ZBTB20: variants seen among roughly 807,000 people sequenced by gnomAD.
ZBTB20 encodes the protein zinc finger and BTB domain containing 20.
ZBTB20 carries 9 observed loss-of-function variants against 56.9 expected under a neutral mutation model. That is an observed-to-expected ratio of 0.16 (90% CI 0.10 to 0.28). The LOEUF (loss-of-function observed/expected upper bound fraction) is 0.28, where lower values mean the gene tolerates loss of function less well. Ranked by LOEUF, ZBTB20 falls within the 10% of genes least tolerant of loss-of-function variation. The pLI is 1.00. For missense variants in ZBTB20, 655 were observed against 1,003.0 expected (o/e 0.65, Z 4.69); for synonymous variants, 417 against 420.7 (o/e 0.99, Z 0.11).
intron 7 of ZBTB20, among the ~76,000 whole-genome samples, chr3:114,490,246 G>A (rs1559862716): frequency 6.6e-6 from 1 of 151,832 alleles, no homozygotes; most frequent in Non-Finnish European, 1.5e-5. Context: ...TTTTGAGATG[G>A]AGTCTCACAC....
intron 6 of ZBTB20, among the ~76,000 whole-genome samples, chr3:114,654,935 C>A (rs964650325): frequency 2.0e-5 from 3 of 152,100 alleles, no homozygotes; most frequent in African/African-American, 7.2e-5. Context: ...AAAGTCTATT[C>A]TTTGTAATAT....
At chr3:114,395,147 T>G (rs1215905357) in intron 7 of ZBTB20, among the ~76,000 whole-genome samples, 1 of 152,094 alleles carries the variant, frequency 6.6e-6, no homozygotes, top group Non-Finnish European at 1.5e-5. Context: ...TTGCCCCAAA[T>G]GTAGTGGTGA....
At position 114,326,096 on chromosome 3, in the gene ZBTB20, G is replaced by C. The variant is rs1576183232; in HGVS notation, c.*12909C>G. On this transcript the variant is annotated 3_prime_UTR_variant, in exon 12 of 12. Transcript: ENST00000675478. ...AACACATACAGTCTTGAAATGGCTAGAAAAGCAACAACTACAATGATAAAA... is the reference window on the plus strand; with the variant it reads ...AACACATACAGTCTTGAAATGGCTACAAAAGCAACAACTACAATGATAAAA... 1 of 152,112 alleles carries C rather than the reference G, an allele frequency of 6.6e-6. No homozygotes were observed. Among genetic ancestry groups the C allele is most frequent in the Non-Finnish European group, 1.5e-5 (1 of 68,016 alleles). The allele number at this position is 152,112 out of a possible 1,614,324, so 9.4% of individuals were successfully genotyped here. A position where few individuals can be genotyped will look rare whatever the true frequency, so the allele number is the denominator to read the frequency against.
At chr3:114,708,913 A>G (rs1419792777) in intron 5 of ZBTB20, among the ~76,000 whole-genome samples, 1 of 152,032 alleles carries the variant, frequency 6.6e-6, no homozygotes, top group Non-Finnish European at 1.5e-5. Flanking sequence ...TCATAGTAAA[A>G]TATTACTTAA....
chr3:114,527,397 G>T (rs2047354409), intron 6 of ZBTB20: 1 of 152,168 alleles, frequency 6.6e-6, no homozygotes, highest in African/African-American at 2.4e-5. Context: ...GGCTGAAGGG[G>T]GCAGGAAGCC....
At chr3:115,087,580 C>A (rs932910531) in intron 1 of ZBTB20, among the ~76,000 whole-genome samples, 1 of 151,770 alleles carries the variant, frequency 6.6e-6, no homozygotes, top group Non-Finnish European at 1.5e-5. Flanking sequence ...TCTTTATCAG[C>A]AAAAAAGCTG....
intron 10 of ZBTB20, among the ~76,000 whole-genome samples, chr3:114,373,466 T>G (rs1042241230): frequency 6.6e-6 from 1 of 152,226 alleles, no homozygotes. Context: ...TTCTGAAAAC[T>G]CTGCGCTCTG....
intron 4 of ZBTB20, among the ~76,000 whole-genome samples, chr3:114,893,999 A>C (rs2074752597): frequency 6.6e-6 from 1 of 152,252 alleles, no homozygotes; most frequent in Non-Finnish European, 1.5e-5. Flanking sequence ...TTTTTGATAG[A>C]TAAAATGTCC....
intron 7 of ZBTB20, among the ~76,000 whole-genome samples, chr3:114,466,467 C>G (rs2092558497): frequency 6.6e-6 from 1 of 152,082 alleles, no homozygotes; most frequent in Non-Finnish European, 1.5e-5. Flanking sequence ...TTGGCCTATT[C>G]TTTTTTAAGA....
chr3:114,362,140 A>G (rs1009547663), intron 10 of ZBTB20, among the ~76,000 whole-genome samples: 1 of 152,060 alleles, frequency 6.6e-6, no homozygotes, highest in African/African-American at 2.4e-5. Context: ...AAAATACGGG[A>G]ATTTTTTTGT....
intron 2 of ZBTB20, among the ~76,000 whole-genome samples, chr3:115,047,313 CAA>C (rs1384003886): frequency 6.6e-6 from 1 of 152,074 alleles, no homozygotes; most frequent in African/African-American, 2.4e-5. Flanking sequence ...GATTATTTGA[CAA>C]AGTTTGAGAA....
intron 4 of ZBTB20, among the ~76,000 whole-genome samples, chr3:114,860,993 T>A (rs2075500702): frequency 6.6e-6 from 1 of 151,090 alleles, no homozygotes. Context: ...TGTCTGGCTT[T>A]TCAGTATTGT....
chr3:114,991,958 T>TA (rs2078831136), intron 2 of ZBTB20, among the ~76,000 whole-genome samples: 1 of 152,060 alleles, frequency 6.6e-6, no homozygotes, highest in African/African-American at 2.4e-5. Flanking sequence ...ATTTGCTCCG[T>TA]AGATCTTCCT....
At chr3:114,490,767 A>G (rs2042657352) in intron 7 of ZBTB20, among the ~76,000 whole-genome samples, 1 of 152,254 alleles carries the variant, frequency 6.6e-6, no homozygotes. Flanking sequence ...TCTCTCACAT[A>G]TGTATGATGC....
intron 2 of ZBTB20, among the ~76,000 whole-genome samples, chr3:114,999,515 T>A (rs902571088): frequency 1.3e-5 from 2 of 151,734 alleles, no homozygotes; most frequent in Admixed American, 1.3e-4. Context: ...TTACTGTTTT[T>A]CCCTCGAAAA....
At chr3:115,122,232 T>C (rs1216063926) in intron 1 of ZBTB20, among the ~76,000 whole-genome samples, 1 of 152,072 alleles carries the variant, frequency 6.6e-6, no homozygotes, top group Non-Finnish European at 1.5e-5. Flanking sequence ...GAGATGAATT[T>C]CTAATGGGGG....
chr3:114,664,437 T>C (rs930137178), intron 6 of ZBTB20, among the ~76,000 whole-genome samples: 1 of 152,238 alleles, frequency 6.6e-6, no homozygotes, highest in Non-Finnish European at 1.5e-5. Context: ...ACAAAAGTAG[T>C]ACTGTATCAA....
chr3:114,988,673 C>A (rs1485157489), intron 2 of ZBTB20, among the ~76,000 whole-genome samples: 6 of 152,258 alleles, frequency 3.9e-5, no homozygotes, highest in South Asian at 2.1e-4. Context: ...GAGGAATTGC[C>A]AGACTGTCTT....
At position 114,883,916 on chromosome 3, in the gene ZBTB20, C is replaced by CCTTTTTTTTTTTTTTT. The variant is rs1223732179; in HGVS notation, c.-417+16387_-417+16388insAAAAAAAAAAAAAAAG. 3.6e-3 allele frequency among the ~76,000 whole-genome samples: 324 copies of CCTTTTTTTTTTTTTTT among 89,822 alleles called. 122 individuals carry two copies. The highest frequency in any genetic ancestry group is 8.2e-3 in the African/African-American group (206 of 25,072). 58.9% of individuals were successfully genotyped at this position (89,822 alleles called of 152,430 possible). On this transcript the variant is annotated intron_variant, in intron 4 of 11. Transcript: ENST00000675478. ...GTATAACTGGTAAGAATGGTGTGTT[C>CCTTTTTTTTTTTTTTT]TTTTTTTTTTTTTTTTTTTTTTTTT...
Sources: allele counts gnomAD v4.1 joint callset (sites outside exome capture counted in the v4.1 genomes callset), GRCh38; gene constraint gnomAD v4.1.1; transcripts MANE v1.5; gene names NCBI Gene and HGNC (gene_info 2026-07-23, HGNC 2026-07-21).